The following PTPRO variants were observed in gnomAD, a reference collection of about 807,000 sequenced individuals.
The protein encoded by PTPRO is protein tyrosine phosphatase receptor type O.
Under a neutral mutation model 145.2 loss-of-function variants are expected in PTPRO, and 62 were observed. The ratio of observed to expected loss-of-function variants is 0.43; its 90% CI spans 0.35 to 0.53. The LOEUF is 0.53. PTPRO is among the 20% of genes least tolerant of loss of function. The probability of loss-of-function intolerance (pLI) is 0.01; values close to 1 mark genes in which losing one functional copy is unlikely to be tolerated. For synonymous variants in PTPRO, 565 were observed against 514.7 expected, an observed-to-expected ratio of 1.10 and a Z score of -1.32; for missense variants, 1,345 against 1,482.7, an observed-to-expected ratio of 0.91 and a Z score of 1.53.
At chr12:15,580,296 CTAA>C (rs1383439634) in intron 21 of PTPRO, among the ~76,000 whole-genome samples, 181 bp downstream of exon 21, 1 of 152,146 alleles carries the variant, frequency 6.6e-6, no homozygotes, top group Non-Finnish European at 1.5e-5. Context: ...CCATAGATTA[CTAA>C]TGTTTCTATT....
intron 1 of PTPRO, among the ~76,000 whole-genome samples, chr12:15,424,067 T>A (rs1940218099): frequency 6.6e-6 from 1 of 152,236 alleles, no homozygotes; most frequent in African/African-American, 2.4e-5. Context: ...GGACAGCATT[T>A]CCAATTATCA....
rs191565534 is a variant in PTPRO at position 15,598,232 on chromosome 12, T to C, written c.*2159T>C. Among the ~76,000 whole-genome samples the C allele has an allele frequency of 1.1e-3, 164 of 152,288 alleles. 1 individual carries two copies. The highest frequency in any genetic ancestry group is 5.9e-4 in the Non-Finnish European group (40 of 68,024). On this transcript the variant is annotated 3_prime_UTR_variant, in exon 27 of 27. Transcript: ENST00000281171. Reference sequence around the variant, plus strand: ...GCTCTTCAGTTTGTAGAGTTTATGATGGAAAAGGCATCAGTCTGTCAAAAG... The same window carrying C: ...GCTCTTCAGTTTGTAGAGTTTATGACGGAAAAGGCATCAGTCTGTCAAAAG...
At chr12:15,542,898 T>G (rs1234295800) in intron 12 of PTPRO, among the ~76,000 whole-genome samples, 1 of 152,200 alleles carries the variant, frequency 6.6e-6, no homozygotes, top group Non-Finnish European at 1.5e-5. Flanking sequence ...CAATTCACAT[T>G]CCGATTCTTA....
chr12:15,508,971 G>A (rs1240213061), intron 7 of PTPRO, among the ~76,000 whole-genome samples: 1 of 152,206 alleles, frequency 6.6e-6, no homozygotes, highest in Non-Finnish European at 1.5e-5. Flanking sequence ...CTCTTCAGAG[G>A]AGGGTCATGT....
Position 15,582,027 on chromosome 12 carries a change from T to C in PTPRO, c.3255+226T>C, listed in dbSNP as rs113589631. ...GACAGCAAGCCAGTGATAAGCATTGTTTCTATAGATTATAGATTAACTAAA... is the reference window on the plus strand; with the variant it reads ...GACAGCAAGCCAGTGATAAGCATTGCTTCTATAGATTATAGATTAACTAAA... On this transcript the variant is annotated intron_variant, in intron 23 of 26. Coordinates refer to ENST00000281171, the MANE Select transcript of PTPRO (RefSeq NM_030667.3). Among the ~76,000 whole-genome samples, 3,869 of 152,352 alleles carry C rather than the reference T, an allele frequency of 0.025. 179 individuals carry two copies. Among genetic ancestry groups the C allele is most frequent in the African/African-American group, 0.089 (3,703 of 41,568 alleles).
At chr12:15,595,523 GAAA>G (rs1944641485) in intron 26 of PTPRO, 2 of 170,688 alleles carry the variant, frequency 1.2e-5, no homozygotes, top group Admixed American at 5.6e-5. Context: ...AGCAGAGTCT[GAAA>G]ATACCTTGGT....
intron 1 of PTPRO, among the ~76,000 whole-genome samples, chr12:15,325,334 C>T (rs1044423130): frequency 2.0e-5 from 3 of 152,118 alleles, no homozygotes; most frequent in Non-Finnish European, 4.4e-5. Flanking sequence ...ATAATCAGTT[C>T]CATTGAGGGA....
chr12:15,465,714 A>G (rs1235121248), intron 1 of PTPRO, among the ~76,000 whole-genome samples: 2 of 152,326 alleles, frequency 1.3e-5, no homozygotes, highest in African/African-American at 4.8e-5. Flanking sequence ...CATAAATAGG[A>G]CATAGACAGG....
intron 12 of PTPRO, among the ~76,000 whole-genome samples, chr12:15,532,747 A>G (rs1014180801): frequency 1.3e-5 from 2 of 152,152 alleles, no homozygotes; most frequent in Admixed American, 6.6e-5. Flanking sequence ...CTGTCTACCA[A>G]TTCCAGCCAT....
intron 19 of PTPRO, among the ~76,000 whole-genome samples, chr12:15,571,000 T>C (rs990347434): frequency 3.9e-5 from 6 of 152,184 alleles, no homozygotes; most frequent in Non-Finnish European, 7.4e-5. Flanking sequence ...GACAAAAACA[T>C]AGCTCAAACT....
chr12:15,473,768 CAAAAAA>C (rs11340085), intron 1 of PTPRO, among the ~76,000 whole-genome samples: 6 of 65,570 alleles, frequency 9.2e-5, no homozygotes, highest in African/African-American at 3.0e-4. Context: ...GACTCCATCT[CAAAAAA>C]AAAAAAAAAA....
chr12:15,338,583 C>T (rs1866852389), intron 1 of PTPRO, among the ~76,000 whole-genome samples: 1 of 152,040 alleles, frequency 6.6e-6, no homozygotes, highest in Non-Finnish European at 1.5e-5. Flanking sequence ...TCATAATTCC[C>T]ACAACATTGT....
At chr12:15,398,707 G>A (rs932670625) in intron 1 of PTPRO, among the ~76,000 whole-genome samples, 8 of 149,170 alleles carry the variant, frequency 5.4e-5, no homozygotes, top group African/African-American at 2.0e-4. Context: ...TTTTTATTTT[G>A]CGCCTGATTC....
intron 1 of PTPRO, among the ~76,000 whole-genome samples, chr12:15,415,573 AC>A (rs1939942099): frequency 1.3e-5 from 2 of 151,166 alleles, no homozygotes; most frequent in African/African-American, 4.9e-5. Context: ...TTTAGTAGAG[AC>A]GGGGTTTCAC....
At chr12:15,350,328 T>C (rs1434485113) in intron 1 of PTPRO, among the ~76,000 whole-genome samples, 1 of 152,136 alleles carries the variant, frequency 6.6e-6, no homozygotes, top group Admixed American at 6.5e-5. Context: ...CAGAACCTTG[T>C]TCCCGTGGAA....
Position 15,415,453 on chromosome 12 carries a change from T to C in PTPRO, c.76-68521T>C, listed in dbSNP as rs186156541. ...AGGCTGGAGTGCAGTGGTGCAGTCT[T>C]GGCTCACTGCAAGCTCCGCCTCCCA... is the stretch of plus-strand genomic sequence containing the variant. On this transcript the variant is annotated intron_variant, in intron 1 of 26. Coordinates refer to ENST00000281171, the MANE Select transcript of PTPRO (RefSeq NM_030667.3). Among the ~76,000 whole-genome samples, 1,476 of 151,804 alleles carry C rather than the reference T, an allele frequency of 9.7e-3. 12 individuals carry two copies. Among genetic ancestry groups the C allele is most frequent in the Non-Finnish European group, 0.015 (993 of 67,958 alleles).
intron 1 of PTPRO, among the ~76,000 whole-genome samples, chr12:15,406,630 C>G (rs74069056): frequency 0.035 from 5,336 of 151,988 alleles, 311 homozygotes; most frequent in African/African-American, 0.12. Context: ...CCATAATATG[C>G]GATTAAATAC....
At chr12:15,349,791 A>G (rs1591727667) in intron 1 of PTPRO, among the ~76,000 whole-genome samples, 1 of 152,350 alleles carries the variant, frequency 6.6e-6, no homozygotes, top group East Asian at 1.9e-4. Context: ...GAAGACAGAA[A>G]GAGAGAGATT....
At chr12:15,394,191 C>T (rs998067566) in intron 1 of PTPRO, among the ~76,000 whole-genome samples, 24 of 152,056 alleles carry the variant, frequency 1.6e-4, no homozygotes, top group African/African-American at 5.6e-4. Context: ...AACACTCAAA[C>T]CACAGCCAAC....
Sources: gnomAD v4.1 joint callset for allele counts (sites outside exome capture counted in the v4.1 genomes callset) on GRCh38, gnomAD v4.1.1 for gene constraint, MANE v1.5 for transcripts, NCBI Gene and HGNC (gene_info 2026-07-23, HGNC 2026-07-21) for gene names.